Variants in CABLES2 observed in about 807,000 individuals in gnomAD.
The protein encoded by CABLES2 is Cdk5 and Abl enzyme substrate 2, also known as CDK5 and ABL1 enzyme substrate 2.
CABLES2 carries 35 observed loss-of-function variants against 44.8 expected under a neutral mutation model. The ratio of observed to expected loss-of-function variants is 0.78; its 90% CI spans 0.60 to 1.04. CABLES2 has a LOEUF of 1.04. Ranked by LOEUF, CABLES2 falls within the 50% of genes least tolerant of loss-of-function variation. The pLI, the probability that CABLES2 is intolerant of heterozygous loss-of-function variation, is 0.00. For missense variants in CABLES2, 566 were observed against 615.7 expected (o/e 0.92, Z 0.85); for synonymous variants, 282 against 281.1 (o/e 1.00, Z -0.03).
chr20:62,397,971 ACAGTGGTGATGG>A (rs1569017247), intron 1 of CABLES2, among the ~76,000 whole-genome samples: 867 of 60,154 alleles, frequency 0.014, 33 homozygotes, highest in African/African-American at 0.058. Flanking sequence ...GATGGTGGTG[ACAGTGGTGATGG>A]CGGTGGTGGT....
chr20:62,406,764 C>G (rs912964423), intron 1 of CABLES2, 151 bp downstream of exon 1: 2 of 344,058 alleles, frequency 5.8e-6, no homozygotes, highest in African/African-American at 5.0e-5. Flanking sequence ...GGCCTCTGTC[C>G]AGGGCTGACA....
At chr20:62,397,605 C>T (rs1369200755) in intron 1 of CABLES2, among the ~76,000 whole-genome samples, 3 of 152,202 alleles carry the variant, frequency 2.0e-5, no homozygotes, top group African/African-American at 7.2e-5. Flanking sequence ...CTCAGGGTCA[C>T]GCAACTCCAA....
In CABLES2 at chr20:62,398,088, A is replaced by ATGGTGGTGGTGG. The variant is rs1569017555; in HGVS notation, c.363-1497_363-1496insCCACCACCACCA. The stretch of plus-strand genomic sequence containing the variant: ...GGTGGTGACGGTGGTGGTGGTGGTG[A>ATGGTGGTGGTGG]CGGTGGTGGTGGTGGTGATGGTGGT... On this transcript the variant is annotated intron_variant, in intron 1 of 9. Transcript: ENST00000279101. Among the ~76,000 whole-genome samples, 5 of 52,250 alleles carry ATGGTGGTGGTGG rather than the reference A, an allele frequency of 9.6e-5. No homozygotes were observed. The South Asian group carries it at 4.4e-3, about 46-fold the overall frequency. 34.3% of individuals were successfully genotyped at this position (52,250 alleles called of 152,430 possible).
chr20:62,397,957 T>C lies in CABLES2; in HGVS notation c.363-1365A>G, dbSNP rs1456842248. On this transcript the variant is annotated intron_variant, in intron 1 of 9. Transcript: ENST00000279101. Reference sequence around the variant, plus strand: ...GTGGTGATGGTGGTGACGGTAGTGGTGGTGATGGTGGTGACAGTGGTGATG... The same window carrying C: ...GTGGTGATGGTGGTGACGGTAGTGGCGGTGATGGTGGTGACAGTGGTGATG... 4.6e-4 allele frequency among the ~76,000 whole-genome samples: 57 copies of C among 124,208 alleles called. No individual in the cohort carries two copies. The South Asian group carries it at 0.014, about 31-fold the overall frequency. The allele number at this position is 124,208 out of a possible 152,430, so 81.5% of individuals were successfully genotyped here. A position where few individuals can be genotyped will look rare whatever the true frequency, so the allele number is the denominator to read the frequency against.
Position 62,394,207 on chromosome 20 carries a change from A to G in CABLES2, c.664T>C (p.Ser222Pro), listed in dbSNP as rs1176752607. The G allele has an allele frequency of 1.6e-5, 26 of 1,613,476 alleles. No individual in the cohort carries two copies. The Admixed American group carries it at 4.3e-4, about 27-fold the overall frequency. Residue 222 changes from serine (S) to proline (P), a missense_variant, in exon 5 of 10, where the codon TCC becomes CCC. Ser to Pro is a moderately conservative substitution (Grantham distance 74, BLOSUM62 -1). Around this residue, in one of 2 missense-constraint regions of CABLES2, gnomAD observed 436 missense variants for 536.3 expected, o/e 0.81. Transcript: ENST00000279101. ...CCTTCTAGCTCAAAGACCATCTCGG[A>G]AGACACAGAGACGCCGCCGGACGGG... ...RHPSGGVSVSSEMVFELEGVE... is the reference protein window; with the variant it reads ...RHPSGGVSVSPEMVFELEGVE...
chr20:62,407,017 G>A lies in CABLES2; in HGVS notation c.260C>T (p.Pro87Leu). The A allele has an allele frequency of 8.6e-7, 1 of 1,158,338 alleles. No individual in the cohort carries two copies. The allele number at this position is 1,158,338 out of a possible 1,614,324, so 71.8% of individuals were successfully genotyped here. A position where few individuals can be genotyped will look rare whatever the true frequency, so the allele number is the denominator to read the frequency against. The stretch of plus-strand genomic sequence containing the variant: ...GGCGGGCAGCCCGGTGGGGGGCTCC[G>A]GCGGCGGCGGCGCTGGCGGTTCGCG... ...EAREPPAPPP[P>L]EPPTGLPART... Residue 87 changes from proline (P) to leucine (L), a missense_variant, in exon 1 of 10, where the codon CCG (proline) becomes CTG (leucine). By Grantham distance (98) the Pro-to-Leu change is moderately conservative. Around this residue, in one of 2 missense-constraint regions of CABLES2, gnomAD observed 436 missense variants for 536.3 expected, o/e 0.81. Coordinates refer to ENST00000279101, the MANE Select transcript of CABLES2 (RefSeq NM_031215.3).
chr20:62,406,422 A>AG (rs1988285765), intron 1 of CABLES2, among the ~76,000 whole-genome samples: 3 of 144,166 alleles, frequency 2.1e-5, no homozygotes, highest in South Asian at 4.2e-4. Context: ...TGGGGGTCTC[A>AG]GGGGTAATAA....
chr20:62,401,615 C>T (rs892218740), intron 1 of CABLES2, among the ~76,000 whole-genome samples: 13 of 152,224 alleles, frequency 8.5e-5, no homozygotes, highest in Admixed American at 8.5e-4. Context: ...GCAGCACACA[C>T]GCCGGTCAGC....
chr20:62,392,603 C>T (rs563213004), intron 7 of CABLES2, 108 bp from the exon 8 acceptor site: 62 of 842,118 alleles, frequency 7.4e-5, no homozygotes, highest in South Asian at 1.2e-4. Context: ...AACATGCATA[C>T]GGTGTGGCTT....
chr20:62,392,597 T>C (rs554461627), intron 7 of CABLES2, 102 bp from the exon 8 acceptor site: 562 of 873,400 alleles, frequency 6.4e-4, no homozygotes, highest in Non-Finnish European at 9.1e-4. Flanking sequence ...TTTGCAAACA[T>C]GCATACGGTG....
Position 62,391,485 on chromosome 20 carries a change from G to A in CABLES2, c.1092-32C>T, listed in dbSNP as rs753142303. 6 of 1,606,516 alleles carry A rather than the reference G, an allele frequency of 3.7e-6. No homozygotes were observed. The highest frequency in any genetic ancestry group is 2.7e-5 in the African/African-American group (2 of 74,842). On this transcript the variant is annotated intron_variant, in intron 8 of 9. Transcript: ENST00000279101. This position sits in a 1 kb window ranked among gnomAD's most constrained non-coding sequence, Gnocchi z 5.7. ...GTTAAGACAGAAGCCATGTCCCTGG[G>A]GGCTCTGGCTGGGGCTGAGGAGGCA...
intron 1 of CABLES2, among the ~76,000 whole-genome samples, chr20:62,398,293 GGCGATGGTGATGACGGTGGTGATGGCA>G (rs1988120283): frequency 1.3e-5 from 2 of 150,102 alleles, no homozygotes; most frequent in African/African-American, 2.5e-5. Context: ...TGGTGATGGT[GGCGATGGTGATGACGGTGGTGATGGCA>G]GTGGTGGTGA....
intron 5 of CABLES2, 72 bp from the exon 6 acceptor site, chr20:62,393,677 G>A: frequency 6.8e-7 from 1 of 1,480,664 alleles, no homozygotes; most frequent in East Asian, 2.3e-5. Context: ...TCCCGCTGCA[G>A]GAAGCCCAGA....
At chr20:62,397,995 A>ACGG (rs1988066578) in intron 1 of CABLES2, among the ~76,000 whole-genome samples, 1 of 57,056 alleles carries the variant, frequency 1.8e-5, no homozygotes. Flanking sequence ...GGTGGTGGTG[A>ACGG]TGATGGTGAT....
Position 62,391,645 on chromosome 20 carries a change from G to A in CABLES2, c.1092-192C>T, listed in dbSNP as rs1232093385. ...AGGGCAGGGCGCATGGGCAGGGACC[G>A]GCAGGCTGGGTTTTGGCTTCCCCCG... On this transcript the variant is annotated intron_variant, in intron 8 of 9. Coordinates refer to ENST00000279101, the MANE Select transcript of CABLES2 (RefSeq NM_031215.3). The surrounding 1 kb of genome is among the most constrained non-coding windows in gnomAD (Gnocchi z 5.7). Among the ~76,000 whole-genome samples, 2 of 152,120 alleles carry A rather than the reference G, an allele frequency of 1.3e-5. No homozygotes were observed. Among genetic ancestry groups the A allele is most frequent in the South Asian group, 2.1e-4 (1 of 4,832 alleles).
At chr20:62,395,650 C>T (rs1437049308) in intron 3 of CABLES2, among the ~76,000 whole-genome samples, 2 of 152,252 alleles carry the variant, frequency 1.3e-5, no homozygotes, top group East Asian at 1.9e-4. Context: ...TTCTCCCCCT[C>T]TCTGGCTTGG....
rs1311457877 is a variant in CABLES2, at chr20:62,396,211, G to A, written c.527+104C>T. ...TAGAGGTGTGGAGTGTGGGGTGGGC[G>A]GGAGCTTTGGGAGTGGAGGGAAGAT... On this transcript the variant is annotated intron_variant, in intron 3 of 9. Transcript: ENST00000279101. The surrounding 1 kb of genome is among the most constrained non-coding windows in gnomAD (Gnocchi z 5.7). 4.3e-6 allele frequency: 4 copies of A among 936,302 alleles called. No individual in the cohort carries two copies. Among genetic ancestry groups the A allele is most frequent in the African/African-American group, 3.2e-5 (2 of 61,628 alleles). The allele number at this position is 936,302 out of a possible 1,614,324, so 58.0% of individuals were successfully genotyped here.
At chr20:62,394,352 G>T in intron 4 of CABLES2, 87 bp from the exon 5 acceptor site, 2 of 1,026,070 alleles carry the variant, frequency 1.9e-6, no homozygotes, top group Non-Finnish European at 3.0e-6. Flanking sequence ...GGCCCGAGGT[G>T]CTCTCGGGAA....
At chr20:62,401,402 C>G (rs968383311) in intron 1 of CABLES2, among the ~76,000 whole-genome samples, 1 of 152,228 alleles carries the variant, frequency 6.6e-6, no homozygotes, top group Non-Finnish European at 1.5e-5. Flanking sequence ...CGCAGCAGGG[C>G]GCTGCTGCTG....
Sources: allele counts gnomAD v4.1 joint callset (sites outside exome capture counted in the v4.1 genomes callset), GRCh38; gene constraint gnomAD v4.1.1; regional missense constraint gnomAD v4.1.1; non-coding constraint Gnocchi (gnomAD v3.1); transcripts MANE v1.5; gene names NCBI Gene and HGNC (gene_info 2026-07-23, HGNC 2026-07-21).